FSTL5: variants seen among roughly 807,000 people sequenced by gnomAD.
FSTL5 encodes the protein follistatin-related protein 5.
Under a neutral mutation model 89.1 loss-of-function variants are expected in FSTL5, and 62 were observed. The observed-to-expected ratio is 0.70, with a 90% CI of 0.57 to 0.86. The LOEUF (loss-of-function observed/expected upper bound fraction) is 0.86. Ranked by LOEUF, FSTL5 falls within the 40% of genes least tolerant of loss-of-function variation. The pLI, the probability that FSTL5 is intolerant of heterozygous loss-of-function variation, is 0.00. For synonymous variants in FSTL5, 383 were observed against 346.2 expected, an observed-to-expected ratio of 1.11 and a Z score of -1.18; for missense variants, 1,057 against 1,001.6, an observed-to-expected ratio of 1.06 and a Z score of -0.75.
intron 3 of FSTL5, among the ~76,000 whole-genome samples, chr4:162,005,123 A>G (rs1323158548): frequency 6.6e-6 from 1 of 152,028 alleles, no homozygotes; most frequent in Non-Finnish European, 1.5e-5. Context: ...CTCTCGCTCC[A>G]TTGTGTCCCA....
intron 4 of FSTL5, among the ~76,000 whole-genome samples, chr4:161,858,732 T>C (rs758908050): frequency 2.0e-5 from 3 of 152,222 alleles, no homozygotes; most frequent in Non-Finnish European, 4.4e-5. Context: ...CTTTTACTTC[T>C]AGATGTGTGT....
chr4:161,451,098 A>T (rs960355424), intron 15 of FSTL5, among the ~76,000 whole-genome samples: 1 of 152,068 alleles, frequency 6.6e-6, no homozygotes, highest in African/African-American at 2.4e-5. Context: ...GTATATTTTT[A>T]TTTATAAAAA....
At chr4:161,812,517 A>AACACAC (rs3077014) in intron 4 of FSTL5, among the ~76,000 whole-genome samples, 71,394 of 151,168 alleles carry the variant, frequency 0.47, 16,846 homozygotes, top group East Asian at 0.56. Flanking sequence ...AGTTAAGAAA[A>AACACAC]ACACACACAC....
chr4:161,585,985 T>A (rs1036141226), intron 8 of FSTL5, among the ~76,000 whole-genome samples: 3 of 152,234 alleles, frequency 2.0e-5, no homozygotes, highest in African/African-American at 7.2e-5. Context: ...ACCAACTGTA[T>A]TTTCACCAGA....
intron 4 of FSTL5, among the ~76,000 whole-genome samples, chr4:161,793,471 C>A (rs1729539503): frequency 6.6e-6 from 1 of 152,120 alleles, no homozygotes; most frequent in East Asian, 1.9e-4. Context: ...AGTGTCAGAA[C>A]AAAGGAGGCT....
At chr4:161,443,693 G>A (rs1253749507) in intron 15 of FSTL5, among the ~76,000 whole-genome samples, 3 of 151,906 alleles carry the variant, frequency 2.0e-5, no homozygotes, top group Non-Finnish European at 4.4e-5. Flanking sequence ...TGTCTTAAAC[G>A]ACTAGAGGAG....
At chr4:161,485,732 T>C (rs1455834424) in intron 12 of FSTL5, among the ~76,000 whole-genome samples, 1 of 152,132 alleles carries the variant, frequency 6.6e-6, no homozygotes, top group African/African-American at 2.4e-5. Flanking sequence ...TCCAAACATA[T>C]ATTGAACATA....
rs1404645034 is a variant in FSTL5 at position 162,034,822 on chromosome 4, G to A, written c.127-1164C>T. ...ACAATTTAGAATTTGAGAATAAAAT[G>A]CATAATGACAAATGTGTATTTATTG... On this transcript the variant is annotated intron_variant, in intron 2 of 15. Coordinates refer to ENST00000306100, the MANE Select transcript of FSTL5 (RefSeq NM_020116.5). Among the ~76,000 whole-genome samples, 5 of 152,088 alleles carry A rather than the reference G, an allele frequency of 3.3e-5. No homozygotes were observed. In the East Asian group the frequency reaches 9.7e-4, roughly 29 times the overall value.
chr4:161,637,698 C>T (rs1360380115), intron 7 of FSTL5, among the ~76,000 whole-genome samples: 1 of 116,140 alleles, frequency 8.6e-6, no homozygotes, highest in African/African-American at 3.9e-5. Flanking sequence ...CCAGTTTTCC[C>T]AGCACCATTT....
intron 4 of FSTL5, among the ~76,000 whole-genome samples, chr4:161,860,668 T>A (rs896431703): frequency 7.9e-5 from 12 of 152,218 alleles, no homozygotes; most frequent in African/African-American, 2.7e-4. Flanking sequence ...GTTTTTTACA[T>A]TTATATTCTA....
At chr4:161,791,777 T>A (rs539606531) in intron 4 of FSTL5, among the ~76,000 whole-genome samples, 1 of 152,330 alleles carries the variant, frequency 6.6e-6, no homozygotes, top group African/African-American at 2.4e-5. Context: ...TAGCTATAGA[T>A]ACATTCAATG....
At chr4:162,159,973 G>A (rs980910156) in intron 1 of FSTL5, among the ~76,000 whole-genome samples, 1 of 150,412 alleles carries the variant, frequency 6.6e-6, no homozygotes, top group African/African-American at 2.4e-5. Flanking sequence ...GCCATTAAAA[G>A]TTATATATTG....
At chr4:162,110,646 T>C (rs1375185019) in intron 2 of FSTL5, among the ~76,000 whole-genome samples, 3 of 151,742 alleles carry the variant, frequency 2.0e-5, no homozygotes, top group Non-Finnish European at 4.4e-5. Context: ...TTATTTTCAG[T>C]ATCATGGACT....
At chr4:161,645,661 A>C (rs566016401) in intron 7 of FSTL5, among the ~76,000 whole-genome samples, 1 of 152,100 alleles carries the variant, frequency 6.6e-6, no homozygotes, top group African/African-American at 2.4e-5. Flanking sequence ...GACCTGCGTT[A>C]GTTTTTTGTA....
At chr4:162,149,433 T>A (rs1254528740) in intron 1 of FSTL5, among the ~76,000 whole-genome samples, 1 of 151,726 alleles carries the variant, frequency 6.6e-6, no homozygotes, top group African/African-American at 2.4e-5. Context: ...AAGAACAGCA[T>A]GGGCAACACA....
chr4:161,389,865 A>T (rs1027476718), intron 15 of FSTL5, among the ~76,000 whole-genome samples: 2 of 152,184 alleles, frequency 1.3e-5, no homozygotes, highest in African/African-American at 4.8e-5. Context: ...AGATTATTAT[A>T]ACCCAAGGAT....
At chr4:161,596,863 T>G (rs1365302486) in intron 7 of FSTL5, among the ~76,000 whole-genome samples, 3 of 152,142 alleles carry the variant, frequency 2.0e-5, no homozygotes, top group Non-Finnish European at 4.4e-5. Flanking sequence ...CTTCGCCCAC[T>G]TTTTGATGGG....
intron 4 of FSTL5, among the ~76,000 whole-genome samples, chr4:161,782,556 T>C (rs1341797558): frequency 6.6e-6 from 1 of 152,180 alleles, no homozygotes; most frequent in East Asian, 1.9e-4. Flanking sequence ...CACAGAAAAT[T>C]TGAATTGGTT....
chr4:161,675,558 A>AT (rs5863475), intron 6 of FSTL5, among the ~76,000 whole-genome samples: 52,874 of 151,178 alleles, frequency 0.35, 9,514 homozygotes, highest in Middle Eastern at 0.52. Flanking sequence ...ATTTTAAAAA[A>AT]CAGAGAATTA....
Sources: allele counts gnomAD v4.1 joint callset (sites outside exome capture counted in the v4.1 genomes callset), GRCh38; gene constraint gnomAD v4.1.1; transcripts MANE v1.5; gene names NCBI Gene and HGNC (gene_info 2026-07-23, HGNC 2026-07-21).